Variants in DYDC1 observed in about 807,000 individuals in gnomAD.
DYDC1 encodes the protein DPY30 domain containing 1.
Under a neutral mutation model 27.9 loss-of-function variants are expected in DYDC1, and 21 were observed. The ratio of observed to expected loss-of-function variants is 0.75; its 90% CI spans 0.53 to 1.08. The LOEUF (loss-of-function observed/expected upper bound fraction) is 1.08. DYDC1 is among the 50% of genes least tolerant of loss of function. The pLI is 0.00. For missense variants in DYDC1, 202 were observed against 205.9 expected, an observed-to-expected ratio of 0.98 and a Z score of 0.12; for synonymous variants, 67 against 65.8, an observed-to-expected ratio of 1.02 and a Z score of -0.09.
intron 3 of DYDC1, among the ~76,000 whole-genome samples, chr10:80,344,582 G>C (rs545243597): frequency 6.6e-6 from 1 of 152,296 alleles, no homozygotes; most frequent in African/African-American, 2.4e-5. Context: ...AACTTGAATT[G>C]TATCTCCCAG....
chr10:80,341,844 G>A (rs1400373816), intron 4 of DYDC1, among the ~76,000 whole-genome samples: 3 of 152,080 alleles, frequency 2.0e-5, no homozygotes. Context: ...GACCAACATG[G>A]AGAAACCCTG....
intron 1 of DYDC1, among the ~76,000 whole-genome samples, chr10:80,353,567 A>G (rs545725284): frequency 1.1e-3 from 164 of 150,476 alleles, no homozygotes; most frequent in Non-Finnish European, 1.7e-3. Flanking sequence ...ATTTTAAGAA[A>G]TCGGCTGGGC....
At chr10:80,349,470 A>G (rs1842859235) in intron 3 of DYDC1, among the ~76,000 whole-genome samples, 1 of 152,184 alleles carries the variant, frequency 6.6e-6, no homozygotes, top group Admixed American at 6.5e-5. Flanking sequence ...CTACTATCTG[A>G]CAATGCATTC....
chr10:80,338,416 TCAAAAA>T (rs760553520), intron 6 of DYDC1, 45 bp downstream of exon 6: 2 of 1,603,494 alleles, frequency 1.2e-6, no homozygotes, highest in South Asian at 1.1e-5. Context: ...GTAAAAAAAA[TCAAAAA>T]CAAAAACAAA....
chr10:80,352,294 T>C, intron 2 of DYDC1, 161 bp downstream of exon 2: 1 of 1,095,864 alleles, frequency 9.1e-7, no homozygotes, highest in South Asian at 2.2e-5. Context: ...AAGTCTTCTT[T>C]GGGTAATGTT....
rs193071269 is a variant in DYDC1 at position 80,342,337 on chromosome 10, A to T, written c.274T>A (p.Leu92Met). 2.5e-6 allele frequency: 4 copies of T among 1,613,592 alleles called. 1 individual carries two copies. The highest frequency in any genetic ancestry group is 2.2e-5 in the South Asian group (2 of 91,076). The change falls in exon 4 of 7, where the codon TTG becomes ATG. Residue 92 changes from leucine (L) to methionine (M), a missense_variant. Leu to Met is a conservative substitution (Grantham distance 15). Transcript: ENST00000372202. The stretch of plus-strand genomic sequence containing the variant: ...TGCCTCTCCTTTTCTTGCATTTCCA[A>T]CTCTAGCTGCAATGCCAGCTGTTGC... ...QQQQLALQLE[L>M]EMQEKERQRI... is the part of the protein sequence containing the mutation.
At chr10:80,336,047 GA>G (rs953546673), downstream of DYDC1, 501 of 693,654 alleles carry the variant, frequency 7.2e-4, no homozygotes, top group African/African-American at 1.9e-3. Context: ...GTCCTTAGAG[GA>G]AAAAAAAAGG....
chr10:80,351,533 T>C (rs1842974231), intron 3 of DYDC1, among the ~76,000 whole-genome samples: 1 of 148,126 alleles, frequency 6.8e-6, no homozygotes, highest in Non-Finnish European at 1.5e-5. Context: ...TACGGTGGCC[T>C]CTCATGAACA....
chr10:80,348,334 T>C (rs1220910997), intron 3 of DYDC1, among the ~76,000 whole-genome samples: 1 of 152,272 alleles, frequency 6.6e-6, no homozygotes, highest in African/African-American at 2.4e-5. Context: ...ATTAAATGGC[T>C]TTGGAAATTA....
intron 6 of DYDC1, chr10:80,337,261 C>A: frequency 1.0e-6 from 1 of 985,400 alleles, no homozygotes; most frequent in Non-Finnish European, 1.2e-6. Flanking sequence ...TGGCCCACGG[C>A]CCCCAAGGGC....
At chr10:80,341,940 C>G (rs1842335600) in intron 4 of DYDC1, among the ~76,000 whole-genome samples, 1 of 151,404 alleles carries the variant, frequency 6.6e-6, no homozygotes, top group Non-Finnish European at 1.5e-5. Context: ...AGGAGAATCA[C>G]TTGAACCTGG....
chr10:80,339,093 T>G lies in DYDC1; in HGVS notation c.399+4A>C. Reference sequence around the variant, plus strand: ...CATAACATAGAATGACTTTTTCTTCTCACCTCTGAATGTAGAATATCTTCA... The same window carrying G: ...CATAACATAGAATGACTTTTTCTTCGCACCTCTGAATGTAGAATATCTTCA... On this transcript the variant is annotated splice_donor_region_variant and intron_variant, in intron 5 of 6. Coordinates refer to ENST00000372202, the MANE Select transcript of DYDC1 (RefSeq NM_001269053.2). The G allele has an allele frequency of 7.2e-7, 1 of 1,385,444 alleles. No homozygotes were observed. The highest frequency in any genetic ancestry group is 9.8e-7 in the Non-Finnish European group (1 of 1,023,188). The allele number at this position is 1,385,444 out of a possible 1,614,324, so 85.8% of individuals were successfully genotyped here.
At chr10:80,341,008 T>A (rs938910628) in intron 4 of DYDC1, among the ~76,000 whole-genome samples, 13 of 152,216 alleles carry the variant, frequency 8.5e-5, no homozygotes, top group African/African-American at 3.1e-4. Context: ...TCACACTTTT[T>A]AAATATTGCT....
At chr10:80,343,241 C>A (rs1842410036) in intron 3 of DYDC1, among the ~76,000 whole-genome samples, 1 of 152,094 alleles carries the variant, frequency 6.6e-6, no homozygotes, top group African/African-American at 2.4e-5. Flanking sequence ...TAAATTTCAG[C>A]ATCCTTAAAG....
At position 80,338,145 on chromosome 10, in the gene DYDC1, C is replaced by T. The variant is rs560337407; in HGVS notation, c.504+322G>A. 3.8e-4 allele frequency: 375 copies of T among 985,392 alleles called. 2 individuals are homozygous for T. In the African/African-American group the frequency reaches 6.3e-3, roughly 16 times the overall value. 61.0% of individuals were successfully genotyped at this position (985,392 alleles called of 1,614,324 possible). A position where few individuals can be genotyped will look rare whatever the true frequency, so the allele number is the denominator to read the frequency against. On this transcript the variant is annotated intron_variant, in intron 6 of 6. Transcript: ENST00000372202. Reference sequence around the variant, plus strand: ...GGCATTAATTTGGTTCCAGGGTTTGCTACTGAGAACAAAAATCGTGCCCCC... The same window carrying T: ...GGCATTAATTTGGTTCCAGGGTTTGTTACTGAGAACAAAAATCGTGCCCCC...
chr10:80,338,453 A>G lies in DYDC1; in HGVS notation c.504+14T>C, dbSNP rs1406727646. On this transcript the variant is annotated intron_variant, in intron 6 of 6. Transcript: ENST00000372202. ...ACAAAAACGAGTTTTTTCACAAAAC[A>G]CACTGATACTGACATCAGAAAACAT... 2.5e-6 allele frequency: 4 copies of G among 1,610,152 alleles called. No individual in the cohort carries two copies. The highest frequency in any genetic ancestry group is 4.5e-5 in the East Asian group (2 of 44,674).
rs560947263 is a variant in DYDC1, at chr10:80,352,432, C to G, written c.147+23G>C. 2.6e-6 allele frequency: 4 copies of G among 1,548,742 alleles called. No individual in the cohort carries two copies. In the East Asian group the frequency reaches 9.3e-5, roughly 36 times the overall value. ...GGACCAGTTTTTTTTCTTCTAATTT[C>G]CTAGAAGGAGATTCCTACTTACCAG... On this transcript the variant is annotated intron_variant, in intron 2 of 6. Coordinates refer to ENST00000372202, the MANE Select transcript of DYDC1 (RefSeq NM_001269053.2).
intron 3 of DYDC1, among the ~76,000 whole-genome samples, chr10:80,347,276 C>CTTTTTTTTT (rs556362145): frequency 1.1e-4 from 10 of 90,118 alleles, no homozygotes; most frequent in Non-Finnish European, 1.3e-4. Flanking sequence ...AATTGGGATC[C>CTTTTTTTTT]TTTTTTTTTT....
chr10:80,346,404 C>T (rs1321480880), intron 3 of DYDC1, among the ~76,000 whole-genome samples: 3 of 143,336 alleles, frequency 2.1e-5, no homozygotes, highest in Admixed American at 2.1e-4. Flanking sequence ...GAAGAGTTCA[C>T]TTTTCTCCAC....
Sources: allele counts gnomAD v4.1 joint callset (sites outside exome capture counted in the v4.1 genomes callset), GRCh38; gene constraint gnomAD v4.1.1; transcripts MANE v1.5; gene names NCBI Gene and HGNC (gene_info 2026-07-23, HGNC 2026-07-21).